The following DNAH10 variants were observed in gnomAD, a reference collection of about 807,000 sequenced individuals.
DNAH10 encodes the protein dynein axonemal heavy chain 10.
A neutral mutation model predicts 506.6 loss-of-function variants in DNAH10; 348 were observed. That is an observed-to-expected ratio of 0.69 (90% CI 0.63 to 0.75). The LOEUF is 0.75. Ranked by LOEUF, DNAH10 falls within the 30% of genes least tolerant of loss-of-function variation. DNAH10 has a pLI of 0.00. For missense variants in DNAH10, 5,179 were observed against 5,787.1 expected (o/e 0.89, Z 3.41); for synonymous variants, 2,059 against 2,198.6 (o/e 0.94, Z 1.78).
intron 1 of DNAH10, 106 bp from the exon 2 acceptor site, chr12:123,767,500 G>T: frequency 9.6e-7 from 1 of 1,041,700 alleles, no homozygotes; most frequent in Non-Finnish European, 1.4e-6. Flanking sequence ...AGTCTCCTGT[G>T]GGCCACATAC....
In DNAH10 at chr12:123,909,468, G is replaced by A. The variant is rs774713433; in HGVS notation, c.9997+26G>A. On this transcript the variant is annotated intron_variant, in intron 58 of 78. Transcript: ENST00000673944. The surrounding 1 kb of genome is among the most constrained non-coding windows in gnomAD (Gnocchi z 5.4). ...GTGAGTGTAGCCACGTGTGGGAATC[G>A]CCAGGGTGGATCTCGGTCTGGCATC... is the stretch of plus-strand genomic sequence containing the variant. 10 of 1,528,406 alleles carry A rather than the reference G, an allele frequency of 6.5e-6. No homozygotes were observed. The highest frequency in any genetic ancestry group is 1.4e-5 in the African/African-American group (1 of 73,228). 94.7% of individuals were successfully genotyped at this position (1,528,406 alleles called of 1,614,324 possible).
intron 25 of DNAH10, among the ~76,000 whole-genome samples, chr12:123,830,100 G>A (rs1176211716): frequency 1.3e-5 from 2 of 152,170 alleles, no homozygotes; most frequent in African/African-American, 4.8e-5. Context: ...CTGAAGCTAG[G>A]AGCCTTGCCC....
chr12:123,865,166 G>A (rs950512335), intron 40 of DNAH10, among the ~76,000 whole-genome samples: 37 of 152,276 alleles, frequency 2.4e-4, no homozygotes, highest in South Asian at 1.0e-3. Flanking sequence ...AATATACTAC[G>A]ATTACATTTA....
intron 28 of DNAH10, among the ~76,000 whole-genome samples, chr12:123,837,749 A>G (rs542154647): frequency 0.023 from 3,550 of 151,282 alleles, 42 homozygotes; most frequent in Middle Eastern, 0.058. Flanking sequence ...TAACTTAAAA[A>G]AAAAAAAATT....
intron 56 of DNAH10, among the ~76,000 whole-genome samples, chr12:123,900,824 G>T (rs1430761040): frequency 6.6e-6 from 1 of 152,152 alleles, no homozygotes; most frequent in Non-Finnish European, 1.5e-5. Context: ...CTCTGTCCAT[G>T]CTGAGACTTT....
In DNAH10 at chr12:123,914,516, G is replaced by A. The variant is rs905396804; in HGVS notation, c.10540G>A (p.Glu3514Lys). Residue 3514 changes from glutamate to lysine, a missense_variant, in exon 61 of 79, where the codon GAA becomes AAA. By Grantham distance (56) the Glu-to-Lys change is moderately conservative. Transcript: ENST00000673944. The part of the protein sequence containing the change: ...EIPLSQPFRL[E>K]SLLTDDVEIS... ...CCCCCTGAGCCAGCCTTTCCGGCTG[G>A]AAAGCCTGCTCACGGATGATGTTGA... 1 of 1,613,592 alleles carries A rather than the reference G, an allele frequency of 6.2e-7. No individual in the cohort carries two copies.
At chr12:123,793,716 T>C (rs74585832) in intron 11 of DNAH10, among the ~76,000 whole-genome samples, 14,721 of 152,190 alleles carry the variant, frequency 0.097, 1,269 homozygotes, top group African/African-American at 0.23. Context: ...TTTTTGTTTA[T>C]ATGAGTTAAT....
chr12:123,870,084 G>A (rs896696259), intron 43 of DNAH10, among the ~76,000 whole-genome samples: 4 of 152,232 alleles, frequency 2.6e-5, no homozygotes, highest in African/African-American at 9.6e-5. Flanking sequence ...AAAGGGAAGT[G>A]TTAGTTGAAA....
rs753781243 is a variant in DNAH10 at position 123,873,695 on chromosome 12, C to G, written c.7923C>G (p.Asp2641Glu). ...MGKRLLVFMD[D>E]MNMPRVDEYG... ...AACGCCTGCTGGTGTTCATGGATGACATGAATATGCCAAGGGTAGTTTGAC... is the reference window on the plus strand; with the variant it reads ...AACGCCTGCTGGTGTTCATGGATGAGATGAATATGCCAAGGGTAGTTTGAC... Residue 2641 changes from aspartate (D) to glutamate (E), a missense_variant, in exon 46 of 79, where the codon GAC becomes GAG. Asp to Glu is a conservative substitution (Grantham distance 45). Around this residue, in one of 3 missense-constraint regions of DNAH10, gnomAD observed 4,844 missense variants for 5,430.5 expected, o/e 0.89. Transcript: ENST00000673944. 6.2e-7 allele frequency: 1 copy of G among 1,609,970 alleles called. No homozygotes were observed. The highest frequency in any genetic ancestry group is 1.3e-5 in the African/African-American group (1 of 74,820).
chr12:123,930,323 G>A (rs1384631296), intron 72 of DNAH10, 79 bp from the exon 73 acceptor site: 4 of 1,370,212 alleles, frequency 2.9e-6, no homozygotes, highest in Non-Finnish European at 3.8e-6. Context: ...GACCCTGGGT[G>A]AGCCTCTGGC....
In DNAH10 at chr12:123,796,895, G is replaced by T. The variant is rs1958297793; in HGVS notation, c.2163+63G>T. On this transcript the variant is annotated intron_variant, in intron 13 of 78. Transcript: ENST00000673944. ...TGATTTTTTTTTTTTTTTTGAGATG[G>T]AGTCTCGCTCTGTCGCCCAGGCTGG... The T allele has an allele frequency of 2.8e-6, 4 of 1,427,198 alleles. No individual in the cohort carries two copies. The South Asian group carries it at 5.7e-5, about 20-fold the overall frequency. 88.4% of individuals were successfully genotyped at this position (1,427,198 alleles called of 1,614,324 possible). A position where few individuals can be genotyped will look rare whatever the true frequency, so the allele number is the denominator to read the frequency against.
rs545119750 is a variant in DNAH10 at position 123,917,016 on chromosome 12, A to G, written c.11002+280A>G. 1.2e-3 allele frequency among the ~76,000 whole-genome samples: 184 copies of G among 152,134 alleles called. No individual in the cohort carries two copies. The highest frequency in any genetic ancestry group is 3.9e-3 in the Admixed American group (59 of 15,296). The stretch of plus-strand genomic sequence containing the variant: ...GACTGTGGGGGCAGGAAGTTACTCT[A>G]TATTCGTGTATTTAAAATACATGTT... On this transcript the variant is annotated intron_variant, in intron 63 of 78. Coordinates refer to ENST00000673944, the MANE Select transcript of DNAH10 (RefSeq NM_001372106.1). This position sits in a 1 kb window ranked among gnomAD's most constrained non-coding sequence, Gnocchi z 5.6.
chr12:123,798,137 T>C (rs1012161280), intron 13 of DNAH10, among the ~76,000 whole-genome samples: 10 of 152,242 alleles, frequency 6.6e-5, no homozygotes, highest in South Asian at 2.1e-4. Flanking sequence ...TCTTAGTTCA[T>C]GGGTAGAGAC....
At chr12:123,845,032 G>T (rs1432643798) in intron 30 of DNAH10, among the ~76,000 whole-genome samples, 1 of 152,140 alleles carries the variant, frequency 6.6e-6, no homozygotes, top group East Asian at 1.9e-4. Flanking sequence ...ATTTTTTAGA[G>T]ACAGGGCCTT....
chr12:123,785,857 A>T lies in DNAH10; in HGVS notation c.1342A>T (p.Met448Leu). 1 of 1,614,166 alleles carries T rather than the reference A, an allele frequency of 6.2e-7. No homozygotes were observed. Among genetic ancestry groups the T allele is most frequent in the Non-Finnish European group, 8.5e-7 (1 of 1,180,026 alleles). ...CCGACACTACAACAAAGACGAGAGG[A>T]TGATTCCGCTCATGGAGCGCATCGC... ...ISRHYNKDER[M>L]IPLMERIAWE... The change falls in exon 9 of 79, where the codon ATG becomes TTG. Residue 448 changes from methionine to leucine, a missense_variant. Physicochemically the swap from Met to Leu is conservative, Grantham distance 15 (BLOSUM62 2). Coordinates refer to ENST00000673944, the MANE Select transcript of DNAH10 (RefSeq NM_001372106.1). This position sits in a 1 kb window ranked among gnomAD's most constrained non-coding sequence, Gnocchi z 4.1.
At chr12:123,834,490 G>C (rs1472502768) in intron 27 of DNAH10, among the ~76,000 whole-genome samples, 1 of 152,200 alleles carries the variant, frequency 6.6e-6, no homozygotes, top group East Asian at 1.9e-4. Context: ...TTATAGGCAT[G>C]AGCCACTGTG....
At chr12:123,929,051 G>A (rs1955079830) in intron 70 of DNAH10, 1 of 598,430 alleles carries the variant, frequency 1.7e-6, no homozygotes, top group Non-Finnish European at 3.0e-6. Flanking sequence ...GGATCTCATG[G>A]TTCAGAGGAA....
chr12:123,855,949 T>C (rs1951369644), intron 36 of DNAH10, among the ~76,000 whole-genome samples: 1 of 149,602 alleles, frequency 6.7e-6, no homozygotes, highest in African/African-American at 2.4e-5. Flanking sequence ...TATTTCACTT[T>C]TATATATTTT....
chr12:123,840,230 G>C (rs998519816), intron 29 of DNAH10, among the ~76,000 whole-genome samples: 1 of 151,872 alleles, frequency 6.6e-6, no homozygotes, highest in Admixed American at 6.6e-5. Context: ...AGTGTTGCAC[G>C]GTAATTCCTC....
Sources: allele counts gnomAD v4.1 joint callset (sites outside exome capture counted in the v4.1 genomes callset), GRCh38; gene constraint gnomAD v4.1.1; regional missense constraint gnomAD v4.1.1; non-coding constraint Gnocchi (gnomAD v3.1); transcripts MANE v1.5; gene names NCBI Gene and HGNC (gene_info 2026-07-23, HGNC 2026-07-21).